Variants in RABGAP1L observed in about 807,000 individuals in gnomAD.
The protein encoded by RABGAP1L is RAB GTPase activating protein 1 like.
Under a neutral mutation model 137.7 loss-of-function variants are expected in RABGAP1L, and 63 were observed. The ratio of observed to expected loss-of-function variants is 0.46; its 90% CI spans 0.37 to 0.56. RABGAP1L has a LOEUF of 0.56. RABGAP1L is among the 20% of genes least tolerant of loss of function. The probability of loss-of-function intolerance (pLI) is 0.00; values close to 1 mark genes in which losing one functional copy is unlikely to be tolerated. For missense variants in RABGAP1L, 1,095 were observed against 1,244.0 expected (o/e 0.88, Z 1.80); for synonymous variants, 431 against 433.7 (o/e 0.99, Z 0.08).
chr1:174,413,002 A>T (rs1216455517), intron 13 of RABGAP1L, among the ~76,000 whole-genome samples: 2 of 151,978 alleles, frequency 1.3e-5, no homozygotes, highest in African/African-American at 4.8e-5. Context: ...CTGGATGTCT[A>T]CCTCTCTAGC....
At chr1:174,922,544 C>T (rs953677604) in intron 19 of RABGAP1L, 1 of 152,170 alleles carries the variant, frequency 6.6e-6, no homozygotes, top group Non-Finnish European at 1.5e-5. Flanking sequence ...ACTGTTTTCT[C>T]ACCCTGGGGC....
At chr1:174,299,401 C>T (rs1677446309) in intron 10 of RABGAP1L, among the ~76,000 whole-genome samples, 1 of 151,364 alleles carries the variant, frequency 6.6e-6, no homozygotes, top group African/African-American at 2.4e-5. Context: ...GCCAGTTTCT[C>T]ACTGGGCTTT....
intron 19 of RABGAP1L, among the ~76,000 whole-genome samples, chr1:174,924,940 A>G (rs533823974): frequency 2.0e-5 from 3 of 152,318 alleles, no homozygotes; most frequent in Admixed American, 2.0e-4. Context: ...GTAGTGCTGG[A>G]AGAGTGCAGT....
chr1:174,972,079 C>T (rs988967810), intron 21 of RABGAP1L, among the ~76,000 whole-genome samples: 42 of 152,134 alleles, frequency 2.8e-4, no homozygotes, highest in African/African-American at 9.7e-4. Context: ...AAAGATTTCT[C>T]AGTGATTAGA....
intron 19 of RABGAP1L, among the ~76,000 whole-genome samples, chr1:174,871,008 G>A (rs1354417661): frequency 1.3e-5 from 2 of 151,352 alleles, no homozygotes; most frequent in Non-Finnish European, 2.9e-5. Flanking sequence ...CAAAGTGCTG[G>A]GATTACAGGC....
chr1:174,394,250 A>T, intron 13 of RABGAP1L, 105 bp downstream of exon 13: 1 of 1,355,250 alleles, frequency 7.4e-7, no homozygotes, highest in South Asian at 1.4e-5. Context: ...TTCTTCATGA[A>T]TATATTGAGG....
chr1:174,692,955 C>T (rs528736098), intron 15 of RABGAP1L, among the ~76,000 whole-genome samples: 4 of 152,208 alleles, frequency 2.6e-5, no homozygotes, highest in African/African-American at 9.6e-5. Flanking sequence ...GTAATTAAAA[C>T]CTTACCTGAA....
chr1:174,773,163 G>GGGGTGTGTGT lies in RABGAP1L; in HGVS notation c.2211+20810_2211+20811insGGTGTGTGTG, dbSNP rs10529487. Among the ~76,000 whole-genome samples the GGGGTGTGTGT allele has an allele frequency of 2.0e-5, 3 of 149,658 alleles. No homozygotes were observed. In the East Asian group the frequency reaches 5.9e-4, roughly 30 times the overall value. ...AGTGTTCTTAACTTCTAAGCTATGG[G>GGGGTGTGTGT]GTGTGTGTGTGTGTGTGTGTTTATT... On this transcript the variant is annotated intron_variant, in intron 18 of 25. Transcript: ENST00000681986.
intron 19 of RABGAP1L, among the ~76,000 whole-genome samples, chr1:174,941,207 T>C (rs1432675066): frequency 2.0e-5 from 3 of 152,184 alleles, no homozygotes; most frequent in African/African-American, 7.2e-5. Flanking sequence ...TAATACAATC[T>C]GTAATTTACA....
chr1:174,976,391 T>C (rs1670644705), intron 22 of RABGAP1L, among the ~76,000 whole-genome samples: 1 of 152,228 alleles, frequency 6.6e-6, no homozygotes, highest in African/African-American at 2.4e-5. Context: ...GCAGTATTTC[T>C]ACCCTTGAAC....
At chr1:174,931,379 T>C (rs1338551733) in intron 19 of RABGAP1L, among the ~76,000 whole-genome samples, 1 of 152,220 alleles carries the variant, frequency 6.6e-6, no homozygotes, top group Non-Finnish European at 1.5e-5. Flanking sequence ...TGACTTCCAA[T>C]AGATAATGCT....
chr1:174,268,557 CCTCT>C lies in RABGAP1L; in HGVS notation c.987-3851_987-3848del, dbSNP rs1371844855. On this transcript the variant is annotated intron_variant, in intron 7 of 25. Coordinates refer to ENST00000681986, the MANE Select transcript of RABGAP1L (RefSeq NM_001366446.1). The stretch of plus-strand genomic sequence containing the variant: ...GTACAGCAAGAGAGCGTGTTCTTTT[CCTCT>C]CTCTCCTTCCCTACCTTCCATTTTT... Among the ~76,000 whole-genome samples the C allele has an allele frequency of 2.6e-5, 4 of 152,164 alleles. 1 individual carries two copies. Among genetic ancestry groups the C allele is most frequent in the African/African-American group, 9.6e-5 (4 of 41,514 alleles).
intron 13 of RABGAP1L, among the ~76,000 whole-genome samples, chr1:174,430,901 A>T (rs1571768735): frequency 6.6e-6 from 1 of 152,190 alleles, no homozygotes; most frequent in Non-Finnish European, 1.5e-5. Flanking sequence ...AAACTGAGTC[A>T]TAGATGTTGC....
chr1:174,371,555 G>A (rs187684131), intron 12 of RABGAP1L, among the ~76,000 whole-genome samples: 81 of 151,694 alleles, frequency 5.3e-4, no homozygotes, highest in African/African-American at 3.6e-4. Flanking sequence ...AAATTTTGGC[G>A]TATTTTATGT....
intron 12 of RABGAP1L, among the ~76,000 whole-genome samples, chr1:174,377,911 A>G (rs1466808992): frequency 9.0e-6 from 1 of 110,736 alleles, no homozygotes; most frequent in Non-Finnish European, 1.7e-5. Context: ...CATTAGGTAT[A>G]TCTCCCAATG....
intron 13 of RABGAP1L, among the ~76,000 whole-genome samples, chr1:174,455,938 C>T (rs1191264138): frequency 3.3e-5 from 5 of 152,140 alleles, no homozygotes; most frequent in Admixed American, 2.6e-4. Flanking sequence ...CTACTGACGA[C>T]GTGTCTTGTG....
chr1:174,504,178 G>T (rs1661604835), intron 13 of RABGAP1L, among the ~76,000 whole-genome samples: 1 of 151,594 alleles, frequency 6.6e-6, no homozygotes, highest in South Asian at 2.1e-4. Context: ...TCGCCATGTT[G>T]CCCAGGCTTG....
intron 17 of RABGAP1L, among the ~76,000 whole-genome samples, chr1:174,742,808 A>G (rs932177408): frequency 4.0e-5 from 6 of 151,792 alleles, no homozygotes; most frequent in African/African-American, 1.2e-4. Context: ...TTCAATGGCC[A>G]ATGGAACATG....
chr1:174,420,645 T>C, intron 13 of RABGAP1L, among the ~76,000 whole-genome samples: 1 of 151,898 alleles, frequency 6.6e-6, no homozygotes, highest in African/African-American at 2.4e-5. Flanking sequence ...CTTAGTTTTG[T>C]TTGAGTATCC....
Sources: gnomAD v4.1 joint callset for allele counts (sites outside exome capture counted in the v4.1 genomes callset) on GRCh38, gnomAD v4.1.1 for gene constraint, MANE v1.5 for transcripts, NCBI Gene and HGNC (gene_info 2026-07-23, HGNC 2026-07-21) for gene names.